The following SUGCT variants were observed in gnomAD, a reference collection of about 807,000 sequenced individuals.
The protein encoded by SUGCT is succinyl-CoA:glutarate-CoA transferase.
In SUGCT, 41 loss-of-function variants were observed where a neutral mutation model predicts 55.0. That is an observed-to-expected ratio of 0.74 (90% CI 0.58 to 0.97). SUGCT has a LOEUF of 0.97. Ranked by LOEUF, SUGCT falls within the 50% of genes least tolerant of loss-of-function variation. The pLI is 0.00. For synonymous variants in SUGCT, 187 were observed against 200.4 expected, an observed-to-expected ratio of 0.93 and a Z score of 0.56; for missense variants, 568 against 547.8, an observed-to-expected ratio of 1.04 and a Z score of -0.37.
intron 12 of SUGCT, among the ~76,000 whole-genome samples, 185 bp downstream of exon 12, chr7:40,496,571 T>C (rs1791987622): frequency 6.6e-6 from 1 of 152,222 alleles, no homozygotes; most frequent in Non-Finnish European, 1.5e-5. Context: ...AGCATACTTA[T>C]GTCTCTGTTA....
At chr7:40,639,115 A>C (rs188250389) in intron 12 of SUGCT, among the ~76,000 whole-genome samples, 141 of 152,300 alleles carry the variant, frequency 9.3e-4, no homozygotes, top group Admixed American at 2.2e-3. Context: ...CAGAATGCAG[A>C]ATTTATATCA....
In SUGCT at chr7:40,224,430, GCA is replaced by G. The variant is rs144096213; in HGVS notation, c.485-13204_485-13203del. On this transcript the variant is annotated intron_variant, in intron 6 of 13. Coordinates refer to ENST00000335693, the MANE Select transcript of SUGCT (RefSeq NM_001193313.2). ...TGTGTGTGTGTGTGTGTGTGTGTGTGCATGCATGTGTATAAGTGTGTGTATGT... is the reference window on the plus strand; with the variant it reads ...TGTGTGTGTGTGTGTGTGTGTGTGTGTGCATGTGTATAAGTGTGTGTATGT... Among the ~76,000 whole-genome samples, 644 of 139,516 alleles carry G rather than the reference GCA, an allele frequency of 4.6e-3. 4 individuals carry two copies. The highest frequency in any genetic ancestry group is 0.019 in the African/African-American group (594 of 31,320). The allele number at this position is 139,516 out of a possible 152,430, so 91.5% of individuals were successfully genotyped here. A position where few individuals can be genotyped will look rare whatever the true frequency, so the allele number is the denominator to read the frequency against.
chr7:40,856,465 A>G (rs1794172354), intron 13 of SUGCT, among the ~76,000 whole-genome samples: 1 of 152,118 alleles, frequency 6.6e-6, no homozygotes, highest in Admixed American at 6.6e-5. Flanking sequence ...TTTTATCTGG[A>G]AGAGAGAGGT....
intron 13 of SUGCT, among the ~76,000 whole-genome samples, chr7:40,847,257 A>ACG (rs1386441422): frequency 7.7e-4 from 103 of 133,888 alleles, no homozygotes; most frequent in African/African-American, 2.6e-3. Context: ...TATTTCTTAC[A>ACG]CTACCTGTCC....
At chr7:40,314,361 T>C (rs1025464604) in intron 8 of SUGCT, among the ~76,000 whole-genome samples, 2 of 152,164 alleles carry the variant, frequency 1.3e-5, no homozygotes, top group Admixed American at 1.3e-4. Context: ...GAATAACCTT[T>C]ACTAATTTGA....
chr7:40,539,425 G>A (rs1017936562), intron 12 of SUGCT: 1 of 152,200 alleles, frequency 6.6e-6, no homozygotes, highest in Non-Finnish European at 1.5e-5. Context: ...AGAGGACACA[G>A]AATTCATGCT....
intron 12 of SUGCT, among the ~76,000 whole-genome samples, chr7:40,629,911 G>A (rs1322128325): frequency 2.0e-5 from 3 of 152,156 alleles, no homozygotes; most frequent in Non-Finnish European, 4.4e-5. Context: ...GCAGTGAGAA[G>A]CTACAGGGTT....
At position 40,722,902 on chromosome 7, in the gene SUGCT, T is replaced by C. The variant is rs145701418; in HGVS notation, c.1090-26532T>C. The stretch of plus-strand genomic sequence containing the variant: ...CATTATTTATAAACCCTATAAATCA[T>C]AAACAACATCTGTACTCTCAAGTTA... On this transcript the variant is annotated intron_variant, in intron 12 of 13. Coordinates refer to ENST00000335693, the MANE Select transcript of SUGCT (RefSeq NM_001193313.2). Among the ~76,000 whole-genome samples the C allele has an allele frequency of 4.2e-4, 64 of 152,324 alleles. No individual in the cohort carries two copies. In the East Asian group the frequency reaches 9.4e-3, roughly 22 times the overall value.
At chr7:40,682,064 T>C (rs1049865853) in intron 12 of SUGCT, among the ~76,000 whole-genome samples, 10 of 152,314 alleles carry the variant, frequency 6.6e-5, no homozygotes, top group Non-Finnish European at 8.8e-5. Context: ...CTATTACCTT[T>C]TTGCTTATTA....
intron 12 of SUGCT, among the ~76,000 whole-genome samples, chr7:40,676,588 C>A (rs371010873): frequency 6.6e-6 from 1 of 151,136 alleles, no homozygotes; most frequent in South Asian, 2.1e-4. Context: ...CTGCAACTTC[C>A]GCCTCCCGGG....
the SUGCT span, among the ~76,000 whole-genome samples, chr7:41,036,906 C>A: frequency 6.6e-6 from 1 of 152,164 alleles, no homozygotes; most frequent in East Asian, 1.9e-4. Flanking sequence ...TGACCAAAGC[C>A]AGTCTGCTGC....
intron 9 of SUGCT, among the ~76,000 whole-genome samples, chr7:40,350,084 A>G (rs1480126355): frequency 6.6e-6 from 1 of 152,126 alleles, no homozygotes; most frequent in Non-Finnish European, 1.5e-5. Context: ...GAATATACCT[A>G]GCAGAAAATC....
intron 12 of SUGCT, among the ~76,000 whole-genome samples, chr7:40,670,169 C>CAAA (rs34786531): frequency 0.042 from 2,384 of 56,298 alleles, 3 homozygotes; most frequent in Non-Finnish European, 0.063. Context: ...GACTCCATCT[C>CAAA]AAAAAAAAAA....
At chr7:40,454,369 A>G (rs1234553754) in intron 10 of SUGCT, among the ~76,000 whole-genome samples, 1 of 152,258 alleles carries the variant, frequency 6.6e-6, no homozygotes, top group African/African-American at 2.4e-5. Flanking sequence ...GCATGAATAC[A>G]TAATGTGTCC....
chr7:40,175,252 C>T (rs747429312), intron 1 of SUGCT, among the ~76,000 whole-genome samples: 1 of 151,572 alleles, frequency 6.6e-6, no homozygotes, highest in East Asian at 1.9e-4. Context: ...CAGAGTCTCA[C>T]TCTGTCTCCC....
At chr7:40,465,113 A>G (rs1327026662) in intron 11 of SUGCT, among the ~76,000 whole-genome samples, 6 of 152,232 alleles carry the variant, frequency 3.9e-5, no homozygotes, top group African/African-American at 1.4e-4. Context: ...GCCTTTTAAA[A>G]TACTGTGGCA....
Position 40,274,587 on chromosome 7 carries a change from GGCTGGATT to G in SUGCT, c.653_660del (p.Ala218AspfsTer13). 6.2e-7 allele frequency: 1 copy of G among 1,613,686 alleles called. No homozygotes were observed. Among genetic ancestry groups the G allele is most frequent in the Non-Finnish European group, 8.5e-7 (1 of 1,179,734 alleles). On this transcript the variant is annotated frameshift_variant, in exon 8 of 14. Coordinates refer to ENST00000335693, the MANE Select transcript of SUGCT (RefSeq NM_001193313.2). LOFTEE classifies it high-confidence loss of function. Reference sequence around the variant, plus strand: ...GCCTGTATGCATATGGAGCTATTATGGCTGGATTGATACAAAAATACAAAACTGGGAAA... The same window carrying G: ...GCCTGTATGCATATGGAGCTATTATGGATACAAAAATACAAAACTGGGAAA...
intron 12 of SUGCT, among the ~76,000 whole-genome samples, chr7:40,724,252 C>T (rs1786497529): frequency 6.6e-6 from 1 of 152,204 alleles, no homozygotes; most frequent in Admixed American, 6.5e-5. Flanking sequence ...ACCATTGCCA[C>T]ATCTGACCCT....
intron 13 of SUGCT, among the ~76,000 whole-genome samples, chr7:40,787,249 C>G (rs549522632): frequency 6.6e-6 from 1 of 152,148 alleles, no homozygotes; most frequent in South Asian, 2.1e-4. Flanking sequence ...AGGGAACTAC[C>G]AAGAGAGTTA....
Sources: gnomAD v4.1 joint callset for allele counts (sites outside exome capture counted in the v4.1 genomes callset) on GRCh38, gnomAD v4.1.1 for gene constraint, MANE v1.5 for transcripts, NCBI Gene and HGNC (gene_info 2026-07-23, HGNC 2026-07-21) for gene names.